Variants in CDH18 observed in about 807,000 individuals in gnomAD.
The protein encoded by CDH18 is cadherin 18, also known as cadherin-18.
In CDH18, 31 loss-of-function variants were observed where a neutral mutation model predicts 67.9. The ratio of observed to expected loss-of-function variants is 0.46; its 90% CI spans 0.34 to 0.62. The LOEUF (loss-of-function observed/expected upper bound fraction) is 0.62, where lower values mean the gene tolerates loss of function less well. Among genes scored for constraint, CDH18 ranks in the 20% least tolerant of loss-of-function variants. CDH18 has a pLI of 0.01. For missense variants in CDH18, 890 were observed against 975.5 expected (o/e 0.91, Z 1.17); for synonymous variants, 362 against 347.2 (o/e 1.04, Z -0.48).
chr5:20,134,710 T>C (rs1265323413), intron 2 of CDH18, among the ~76,000 whole-genome samples: 1 of 152,136 alleles, frequency 6.6e-6, no homozygotes, highest in African/African-American at 2.4e-5. Context: ...CTATTATCTT[T>C]GTGTTTTGTT....
chr5:19,985,239 A>G (rs1799440904), intron 1 of CDH18, among the ~76,000 whole-genome samples: 1 of 152,124 alleles, frequency 6.6e-6, no homozygotes, highest in Non-Finnish European at 1.5e-5. Flanking sequence ...ATTGAAAACC[A>G]TTCATTATCA....
chr5:19,825,601 A>G (rs1220014948), intron 3 of CDH18, among the ~76,000 whole-genome samples: 4 of 152,120 alleles, frequency 2.6e-5, no homozygotes, highest in Non-Finnish European at 5.9e-5. Flanking sequence ...ATGGACACAG[A>G]GACAGTAATT....
chr5:20,263,209 A>C (rs1744793102), intron 1 of CDH18, among the ~76,000 whole-genome samples: 1 of 152,166 alleles, frequency 6.6e-6, no homozygotes, highest in Admixed American at 6.5e-5. Flanking sequence ...AGCCAAGTAC[A>C]TGTGTGGCAC....
chr5:19,877,246 A>G (rs1312307968), intron 2 of CDH18, among the ~76,000 whole-genome samples: 1 of 152,184 alleles, frequency 6.6e-6, no homozygotes, highest in Non-Finnish European at 1.5e-5. Context: ...AAATGTCGTA[A>G]AAAGTGGGGA....
intron 2 of CDH18, among the ~76,000 whole-genome samples, chr5:19,899,035 G>A (rs1789647392): frequency 6.6e-6 from 1 of 152,130 alleles, no homozygotes; most frequent in Non-Finnish European, 1.5e-5. Context: ...ACACATATGT[G>A]GCTGAAAGGT....
intron 11 of CDH18, among the ~76,000 whole-genome samples, chr5:19,491,549 TGCATTTCC>T (rs1449326874): frequency 6.6e-6 from 1 of 152,204 alleles, no homozygotes; most frequent in Non-Finnish European, 1.5e-5. Context: ...ACTACATACC[TGCATTTCC>T]CTACCAATGG....
At chr5:19,866,015 C>A (rs16888164) in intron 2 of CDH18, among the ~76,000 whole-genome samples, 8,644 of 152,128 alleles carry the variant, frequency 0.057, 708 homozygotes, top group African/African-American at 0.18. Flanking sequence ...CCTCAGCCAG[C>A]GATATTTTTG....
chr5:19,626,173 C>T lies in CDH18; in HGVS notation c.644-13572G>A, dbSNP rs148619640. On this transcript the variant is annotated intron_variant, in intron 5 of 12. Transcript: ENST00000382275. Reference sequence around the variant, plus strand: ...TCATGGGGAGAGGACACCACTCAAGCGACAACACTAAAGCAAAATAACAAA... The same window carrying T: ...TCATGGGGAGAGGACACCACTCAAGTGACAACACTAAAGCAAAATAACAAA... Among the ~76,000 whole-genome samples, 1,131 of 152,036 alleles carry T rather than the reference C, an allele frequency of 7.4e-3. 4 individuals carry two copies. Among genetic ancestry groups the T allele is most frequent in the Non-Finnish European group, 0.012 (792 of 67,970 alleles).
intron 2 of CDH18, among the ~76,000 whole-genome samples, chr5:20,110,802 A>C (rs572701220): frequency 6.6e-6 from 1 of 152,366 alleles, no homozygotes; most frequent in East Asian, 1.9e-4. Flanking sequence ...AATGAAAATG[A>C]ATTGAGAATA....
intron 2 of CDH18, among the ~76,000 whole-genome samples, chr5:19,876,761 G>A (rs757812354): frequency 6.6e-6 from 1 of 152,100 alleles, no homozygotes; most frequent in Non-Finnish European, 1.5e-5. Context: ...GTGACCAGAA[G>A]GGAAAACTCA....
At chr5:20,439,663 G>A (rs1749457309) in intron 1 of CDH18, among the ~76,000 whole-genome samples, 1 of 151,496 alleles carries the variant, frequency 6.6e-6, no homozygotes, top group Admixed American at 6.6e-5. Flanking sequence ...AACCCTACAT[G>A]GCCCAATCGA....
rs1330825546 is a variant in CDH18, at chr5:19,696,022, T to C, written c.643+25325A>G. Among the ~76,000 whole-genome samples the C allele has an allele frequency of 2.0e-5, 3 of 152,246 alleles. No homozygotes were observed. In the East Asian group the frequency reaches 5.8e-4, roughly 29 times the overall value. ...TCTCTCAAGTTTTCATCTAAAAAAATTCTCCAGGTAATTTTTTAAAAAACT... is the reference window on the plus strand; with the variant it reads ...TCTCTCAAGTTTTCATCTAAAAAAACTCTCCAGGTAATTTTTTAAAAAACT... On this transcript the variant is annotated intron_variant, in intron 5 of 12. Transcript: ENST00000382275.
chr5:19,779,130 T>C (rs1212075937), intron 3 of CDH18, among the ~76,000 whole-genome samples: 1 of 152,102 alleles, frequency 6.6e-6, no homozygotes, highest in Non-Finnish European at 1.5e-5. Flanking sequence ...TGCCATTTAA[T>C]AGAGGGAAAA....
intron 1 of CDH18, among the ~76,000 whole-genome samples, chr5:20,561,722 A>C (rs1247302075): frequency 6.6e-6 from 1 of 152,046 alleles, no homozygotes; most frequent in South Asian, 2.1e-4. Flanking sequence ...CAGCACTAAG[A>C]GTAAATCCTA....
chr5:20,102,373 C>T (rs901666864), intron 2 of CDH18, among the ~76,000 whole-genome samples: 1 of 152,060 alleles, frequency 6.6e-6, no homozygotes, highest in East Asian at 1.9e-4. Context: ...TTGGCTTCTT[C>T]ATTGATTTCT....
At chr5:19,995,755 T>G (rs1735958525) in intron 2 of CDH18, among the ~76,000 whole-genome samples, 1 of 152,124 alleles carries the variant, frequency 6.6e-6, no homozygotes. Context: ...TTCCTGTGCT[T>G]CCCTTATAGC....
At chr5:20,474,830 G>T (rs928320893) in intron 1 of CDH18, among the ~76,000 whole-genome samples, 1 of 152,136 alleles carries the variant, frequency 6.6e-6, no homozygotes, top group East Asian at 1.9e-4. Flanking sequence ...CTAAGAATGT[G>T]AATTCATTTA....
intron 2 of CDH18, among the ~76,000 whole-genome samples, chr5:20,040,769 A>T (rs1041709345): frequency 6.6e-6 from 1 of 152,154 alleles, no homozygotes; most frequent in East Asian, 1.9e-4. Flanking sequence ...ATCAGAGACC[A>T]GTTCAAACAA....
At chr5:20,496,760 C>G (rs1753933016) in intron 1 of CDH18, among the ~76,000 whole-genome samples, 1 of 152,070 alleles carries the variant, frequency 6.6e-6, no homozygotes, top group African/African-American at 2.4e-5. Context: ...TTGCTATGCT[C>G]AAGACACAGT....
Sources: gnomAD v4.1 joint callset for allele counts (sites outside exome capture counted in the v4.1 genomes callset) on GRCh38, gnomAD v4.1.1 for gene constraint, MANE v1.5 for transcripts, NCBI Gene and HGNC (gene_info 2026-07-23, HGNC 2026-07-21) for gene names.